Variants in HARS1 observed in about 807,000 individuals in gnomAD.
HARS1 encodes the protein histidyl-tRNA synthetase 1.
HARS1 carries 45 observed loss-of-function variants against 63.6 expected under a neutral mutation model. The observed-to-expected ratio is 0.71, with a 90% CI of 0.56 to 0.91. HARS1 has a LOEUF of 0.91. HARS1 is among the 40% of genes least tolerant of loss of function. The probability of loss-of-function intolerance (pLI) is 0.00; values close to 1 mark genes in which losing one functional copy is unlikely to be tolerated. For synonymous variants in HARS1, 205 were observed against 247.1 expected (o/e 0.83, Z 1.60); for missense variants, 508 against 643.2 (o/e 0.79, Z 2.27).
intron 2 of HARS1, chr5:140,687,838 C>G (rs1172336170): frequency 6.6e-6 from 1 of 152,136 alleles, no homozygotes; most frequent in Non-Finnish European, 1.5e-5. Flanking sequence ...CGCAGTGGCT[C>G]ACGCCTGTAA....
rs1758589760 is a variant in HARS1 at position 140,679,469 on chromosome 5, C to T, written c.396+319G>A. The stretch of plus-strand genomic sequence containing the variant: ...GATGATTCTCTGTGTAGCTTGGAGA[C>T]AAGGGAAATGTGTTGCTAGTCCATT... On this transcript the variant is annotated intron_variant, in intron 4 of 12. Coordinates refer to ENST00000504156, the MANE Select transcript of HARS1 (RefSeq NM_002109.6). The surrounding 1 kb of genome is among the most constrained non-coding windows in gnomAD (Gnocchi z 4.3). The T allele has an allele frequency of 1.3e-5, 5 of 399,998 alleles. No individual in the cohort carries two copies. Among genetic ancestry groups the T allele is most frequent in the Non-Finnish European group, 1.8e-5 (4 of 224,968 alleles). The allele number at this position is 399,998 out of a possible 1,614,324, so 24.8% of individuals were successfully genotyped here. A position where few individuals can be genotyped will look rare whatever the true frequency, so the allele number is the denominator to read the frequency against.
At chr5:140,680,031 A>G in intron 3 of HARS1, 148 bp from the exon 4 acceptor site, 1 of 444,334 alleles carries the variant, frequency 2.3e-6, no homozygotes. Context: ...AGTTATCATT[A>G]AAAGGAAACA....
rs768918889 is a variant in HARS1, at chr5:140,676,983, A to G, written c.951+6T>C. On this transcript the variant is annotated splice_donor_region_variant and intron_variant, in intron 9 of 12. Coordinates refer to ENST00000504156, the MANE Select transcript of HARS1 (RefSeq NM_002109.6). The surrounding 1 kb of genome is among the most constrained non-coding windows in gnomAD (Gnocchi z 4.1). ...CAGAAGGGATCCCGTCCCCAACTTG[A>G]CTCACTTTGTCATCAATGCCAAATA... is the stretch of plus-strand genomic sequence containing the variant. 6.2e-7 allele frequency: 1 copy of G among 1,614,094 alleles called. No homozygotes were observed. Among genetic ancestry groups the G allele is most frequent in the Non-Finnish European group, 8.5e-7 (1 of 1,180,006 alleles).
At chr5:140,680,574 C>T (rs183084050) in intron 3 of HARS1, among the ~76,000 whole-genome samples, 114 of 152,138 alleles carry the variant, frequency 7.5e-4, no homozygotes, top group African/African-American at 2.7e-3. Context: ...CCAGGCATAG[C>T]GGCTCACGCC....
At chr5:140,678,667 AC>A (rs1758533953) in intron 5 of HARS1, 1 of 189,066 alleles carries the variant, frequency 5.3e-6, no homozygotes, top group Non-Finnish European at 1.1e-5. Flanking sequence ...ACATGGTAAA[AC>A]CCCGTCTCTA....
At position 140,675,016 on chromosome 5, in the gene HARS1, C is replaced by T; in HGVS notation, c.1311+1G>A. 1 of 1,601,824 alleles carries T rather than the reference C, an allele frequency of 6.2e-7. No individual in the cohort carries two copies. The highest frequency in any genetic ancestry group is 8.6e-7 in the Non-Finnish European group (1 of 1,168,956). On this transcript the variant is annotated splice_donor_variant, in intron 11 of 12. Coordinates refer to ENST00000504156, the MANE Select transcript of HARS1 (RefSeq NM_002109.6). LOFTEE classifies it high-confidence loss of function. ...GCCACCCTGGGGCTTGCCTCCCATA[C>T]CTTGATCCCAGCATCCCACAGTTCT...
rs1266149431 is a variant in HARS1 at position 140,676,624 on chromosome 5, A to T, written c.1194+30T>A. 18 of 1,604,694 alleles carry T rather than the reference A, an allele frequency of 1.1e-5. No homozygotes were observed. Among genetic ancestry groups the T allele is most frequent in the African/African-American group, 4.0e-5 (3 of 74,766 alleles). ...AGCTTAGGTGCCACCACCTGCTCAG[A>T]CTATCTTCTACCTACCTCCTAGGAC... is the stretch of plus-strand genomic sequence containing the variant. On this transcript the variant is annotated intron_variant, in intron 10 of 12. Coordinates refer to ENST00000504156, the MANE Select transcript of HARS1 (RefSeq NM_002109.6). The surrounding 1 kb of genome is among the most constrained non-coding windows in gnomAD (Gnocchi z 4.1).
At chr5:140,677,304 G>A (rs760277183) in intron 8 of HARS1, 23 bp downstream of exon 8, 1 of 1,565,606 alleles carries the variant, frequency 6.4e-7, no homozygotes, top group Admixed American at 1.7e-5. Context: ...CGGCTGCTGG[G>A]GAGGCTTGGT....
At position 140,673,919 on chromosome 5, in the gene HARS1, A is replaced by C. The variant is rs1019570759; in HGVS notation, c.*338T>G. On this transcript the variant is annotated 3_prime_UTR_variant, in exon 13 of 13. Coordinates refer to ENST00000504156, the MANE Select transcript of HARS1 (RefSeq NM_002109.6). ...CACACGCAGACTCCGTGGTTGAGGC[A>C]TTTTATTGGACCTTTGGCAATTGGT... The C allele has an allele frequency of 7.2e-6, 4 of 557,352 alleles. No homozygotes were observed. The African/African-American group carries it at 7.5e-5, about 11-fold the overall frequency. 34.5% of individuals were successfully genotyped at this position (557,352 alleles called of 1,614,324 possible).
Position 140,674,149 on chromosome 5 carries a change from G to C in HARS1, c.*108C>G. Reference sequence around the variant, plus strand: ...AGGCTCTGTTCTGACCACTCTTCAGGTCTTCCGCTGAAACGGAAAAGTGCA... The same window carrying C: ...AGGCTCTGTTCTGACCACTCTTCAGCTCTTCCGCTGAAACGGAAAAGTGCA... On this transcript the variant is annotated 3_prime_UTR_variant, in exon 13 of 13. Coordinates refer to ENST00000504156, the MANE Select transcript of HARS1 (RefSeq NM_002109.6). The C allele has an allele frequency of 6.4e-6, 5 of 783,578 alleles. No homozygotes were observed. Among genetic ancestry groups the C allele is most frequent in the South Asian group, 5.6e-5 (4 of 71,924 alleles). The allele number at this position is 783,578 out of a possible 1,614,324, so 48.5% of individuals were successfully genotyped here.
intron 2 of HARS1, among the ~76,000 whole-genome samples, chr5:140,688,912 G>T (rs536439000): frequency 2.0e-4 from 30 of 152,240 alleles, no homozygotes; most frequent in African/African-American, 7.2e-4. Flanking sequence ...CTTCCCAGGT[G>T]GTGCTGTGTA....
rs554648329 is a variant in HARS1, at chr5:140,688,377, T to A, written c.180+2478A>T. Among the ~76,000 whole-genome samples the A allele has an allele frequency of 3.3e-5, 5 of 152,212 alleles. No individual in the cohort carries two copies. The East Asian group carries it at 9.6e-4, about 29-fold the overall frequency. On this transcript the variant is annotated intron_variant, in intron 2 of 12. Transcript: ENST00000504156. ...TAACATCTGCTATTCTTATTTCATT[T>A]AAGCCCTGACATGTTTTTCTTACAT... is the stretch of plus-strand genomic sequence containing the variant.
chr5:140,674,460 G>T, intron 12 of HARS1, 132 bp from the exon 13 acceptor site: 1 of 808,228 alleles, frequency 1.2e-6, no homozygotes, highest in Non-Finnish European at 2.1e-6. Flanking sequence ...AAACACCTCA[G>T]GCTAGAGTGT....
rs1390650568 is a variant in HARS1, at chr5:140,676,532, CT to C, written c.1194+121del. Reference sequence around the variant, plus strand: ...GAAATCTGTGAAAAAGAGCAATAATCTTTTCTCCATTTCTGTGAGATGCTCC... The same window carrying C: ...GAAATCTGTGAAAAAGAGCAATAATCTTTCTCCATTTCTGTGAGATGCTCC... On this transcript the variant is annotated intron_variant, in intron 10 of 12. Coordinates refer to ENST00000504156, the MANE Select transcript of HARS1 (RefSeq NM_002109.6). This position sits in a 1 kb window ranked among gnomAD's most constrained non-coding sequence, Gnocchi z 4.1. The C allele has an allele frequency of 9.8e-7, 1 of 1,022,454 alleles. No individual in the cohort carries two copies. The highest frequency in any genetic ancestry group is 2.3e-5 in the Admixed American group (1 of 44,102). The allele number at this position is 1,022,454 out of a possible 1,614,324, so 63.3% of individuals were successfully genotyped here. A position where few individuals can be genotyped will look rare whatever the true frequency, so the allele number is the denominator to read the frequency against.
In HARS1 at chr5:140,677,129, A is replaced by T. The variant is rs2149823600; in HGVS notation, c.824-13T>A. On this transcript the variant is annotated splice_polypyrimidine_tract_variant and intron_variant, in intron 8 of 12. Transcript: ENST00000504156. The stretch of plus-strand genomic sequence containing the variant: ...AGGGATACCCCACCTGGGGAGACAG[A>T]CTTGTGAGTGAGGCTGACAAGGAAA... 6.2e-7 allele frequency: 1 copy of T among 1,613,610 alleles called. No individual in the cohort carries two copies. Among genetic ancestry groups the T allele is most frequent in the Middle Eastern group, 1.7e-4 (1 of 6,048 alleles).
At position 140,679,642 on chromosome 5, in the gene HARS1, C is replaced by A; in HGVS notation, c.396+146G>T. On this transcript the variant is annotated intron_variant, in intron 4 of 12. Transcript: ENST00000504156. This position sits in a 1 kb window ranked among gnomAD's most constrained non-coding sequence, Gnocchi z 4.3. The stretch of plus-strand genomic sequence containing the variant: ...TAAGGATGTGTATGCTCTGTTTAGC[C>A]AAAGTTCCACTCCTGGTTTAGAGAA... 1.8e-6 allele frequency: 1 copy of A among 562,534 alleles called. No homozygotes were observed. The highest frequency in any genetic ancestry group is 3.2e-6 in the Non-Finnish European group (1 of 311,654). The allele number at this position is 562,534 out of a possible 1,614,324, so 34.8% of individuals were successfully genotyped here.
chr5:140,690,869 G>A lies in HARS1; in HGVS notation c.166C>T (p.Leu56Phe), dbSNP rs1462633739. ...GPDESKQKFV[L>F]KTPKGTRDYS... Reference sequence around the variant, plus strand: ...AATGATATTACCTTGGGGGTTTTGAGCACAAATTTCTGTTTGCTTTCATCA... The same window carrying A: ...AATGATATTACCTTGGGGGTTTTGAACACAAATTTCTGTTTGCTTTCATCA... The change falls in exon 2 of 13, where the codon CTC (leucine) becomes TTC (phenylalanine). Residue 56 changes from leucine (L) to phenylalanine (F), a missense_variant. Leu to Phe is a conservative substitution (Grantham distance 22). Transcript: ENST00000504156. 2 of 1,593,700 alleles carry A rather than the reference G, an allele frequency of 1.3e-6. No individual in the cohort carries two copies. The highest frequency in any genetic ancestry group is 1.7e-6 in the Non-Finnish European group (2 of 1,161,314).
At position 140,675,001 on chromosome 5, in the gene HARS1, G is replaced by A; in HGVS notation, c.1311+16C>T. ...ACACCTAAGTTTGCTGCCACCCTGG[G>A]GCTTGCCTCCCATACCTTGATCCCA... On this transcript the variant is annotated intron_variant, in intron 11 of 12. Transcript: ENST00000504156. The A allele has an allele frequency of 6.4e-7, 1 of 1,562,536 alleles. No individual in the cohort carries two copies. Among genetic ancestry groups the A allele is most frequent in the Non-Finnish European group, 8.8e-7 (1 of 1,133,206 alleles).
intron 5 of HARS1, 58 bp from the exon 6 acceptor site, chr5:140,678,073 T>C (rs1758500132): frequency 1.1e-6 from 1 of 870,764 alleles, no homozygotes; most frequent in Non-Finnish European, 2.0e-6. Flanking sequence ...AAGGGGGGAC[T>C]CTGGGAGCTC....
Sources: allele counts gnomAD v4.1 joint callset (sites outside exome capture counted in the v4.1 genomes callset), GRCh38; gene constraint gnomAD v4.1.1; non-coding constraint Gnocchi (gnomAD v3.1); transcripts MANE v1.5; gene names NCBI Gene and HGNC (gene_info 2026-07-23, HGNC 2026-07-21).